The following CLIP1 variants were observed in gnomAD, a reference collection of about 807,000 sequenced individuals.
CLIP1 encodes CAP-Gly domain containing linker protein 1.
Under a neutral mutation model 161.6 loss-of-function variants are expected in CLIP1, and 66 were observed. The ratio of observed to expected loss-of-function variants is 0.41; its 90% CI spans 0.33 to 0.50. The LOEUF is 0.50. Among genes scored for constraint, CLIP1 ranks in the 20% least tolerant of loss-of-function variants. CLIP1 has a pLI of 0.27. For synonymous variants in CLIP1, 598 were observed against 626.2 expected (o/e 0.96, Z 0.67); for missense variants, 1,376 against 1,702.0 (o/e 0.81, Z 3.37).
chr12:122,398,867 A>C (rs928270656), intron 1 of CLIP1, among the ~76,000 whole-genome samples: 1 of 151,162 alleles, frequency 6.6e-6, no homozygotes, highest in African/African-American at 2.4e-5. Flanking sequence ...TAAAAAGTTT[A>C]AGAAAAAAAG....
chr12:122,415,305 C>T (rs1305817262), intron 1 of CLIP1, among the ~76,000 whole-genome samples: 4 of 149,544 alleles, frequency 2.7e-5, no homozygotes, highest in African/African-American at 9.9e-5. Flanking sequence ...CACAGTGAAA[C>T]CCCATCTCTA....
chr12:122,309,252 C>T (rs947456233), intron 20 of CLIP1, among the ~76,000 whole-genome samples: 2 of 152,180 alleles, frequency 1.3e-5, no homozygotes, highest in African/African-American at 2.4e-5. Flanking sequence ...CCAATGCACA[C>T]AAGTGTACAT....
At chr12:122,291,720 TAAGGAGGAA>T (rs1950258598) in intron 20 of CLIP1, among the ~76,000 whole-genome samples, 1 of 152,138 alleles carries the variant, frequency 6.6e-6, no homozygotes, top group African/African-American at 2.4e-5. Context: ...GTCACTTGGT[TAAGGAGGAA>T]GTATCTTCCA....
Position 122,340,076 on chromosome 12 carries a change from CT to C in CLIP1, c.2451+676del, listed in dbSNP as rs1169551600. ...GAAGAGGAGGAGATGATCTTTTAAG[CT>C]TTTTTTTTTTTTTTCCTTTAGACAG... On this transcript the variant is annotated intron_variant, in intron 11 of 25. Coordinates refer to ENST00000620786, the MANE Select transcript of CLIP1 (RefSeq NM_001247997.2). 7.2e-3 allele frequency among the ~76,000 whole-genome samples: 1,001 copies of C among 139,424 alleles called. 3 individuals are homozygous for C. Among genetic ancestry groups the C allele is most frequent in the African/African-American group, 0.013 (502 of 38,130 alleles). The allele number at this position is 139,424 out of a possible 152,430, so 91.5% of individuals were successfully genotyped here. A position where few individuals can be genotyped will look rare whatever the true frequency, so the allele number is the denominator to read the frequency against.
chr12:122,366,091 G>A (rs1049389191), intron 3 of CLIP1, among the ~76,000 whole-genome samples: 1 of 152,128 alleles, frequency 6.6e-6, no homozygotes, highest in African/African-American at 2.4e-5. Flanking sequence ...TGGATCACCT[G>A]AGGTTGGGAG....
chr12:122,350,391 T>C (rs949805884), intron 9 of CLIP1, among the ~76,000 whole-genome samples: 4 of 152,172 alleles, frequency 2.6e-5, no homozygotes, highest in Non-Finnish European at 5.9e-5. Context: ...CAAGGACTTG[T>C]ACTGGGTGTT....
At chr12:122,393,880 C>A (rs1033460159) in intron 1 of CLIP1, among the ~76,000 whole-genome samples, 1 of 119,116 alleles carries the variant, frequency 8.4e-6, no homozygotes, top group Non-Finnish European at 1.6e-5. Flanking sequence ...CCACTGCACT[C>A]CAGCCTGGGT....
At chr12:122,333,263 T>G (rs1952069964) in intron 14 of CLIP1, 120 bp from the exon 15 acceptor site, 1 of 726,754 alleles carries the variant, frequency 1.4e-6, no homozygotes, top group East Asian at 2.7e-5. Context: ...AAAAATCACA[T>G]TCTAGTGAAG....
At chr12:122,293,355 TAAAAAGAC>T (rs1241184990) in intron 20 of CLIP1, among the ~76,000 whole-genome samples, 8 of 152,096 alleles carry the variant, frequency 5.3e-5, no homozygotes, top group African/African-American at 1.9e-4. Context: ...GATTAATGTT[TAAAAAGAC>T]AAAACAAAAC....
chr12:122,332,516 G>A (rs764678921), intron 15 of CLIP1, among the ~76,000 whole-genome samples: 7 of 151,962 alleles, frequency 4.6e-5, no homozygotes, highest in Non-Finnish European at 8.8e-5. Context: ...CACCTCCTGG[G>A]TTTCAAGTGA....
intron 10 of CLIP1, 93 bp downstream of exon 10, chr12:122,347,282 G>T: frequency 1.1e-6 from 1 of 898,162 alleles, no homozygotes. Context: ...TGAACCACTG[G>T]GTCAAGGCTC....
At chr12:122,307,810 G>GTCTA (rs1483740886) in intron 20 of CLIP1, among the ~76,000 whole-genome samples, 1 of 152,162 alleles carries the variant, frequency 6.6e-6, no homozygotes, top group Non-Finnish European at 1.5e-5. Context: ...GGAAAGAATG[G>GTCTA]TCTATAATCT....
rs57326141 is a variant in CLIP1, at chr12:122,293,002, C to CAAAAAAAAAAAA, written c.3595-4473_3595-4462dup. On this transcript the variant is annotated intron_variant, in intron 20 of 25. Transcript: ENST00000620786. The stretch of plus-strand genomic sequence containing the variant: ...TGGGCAAAAGAGCAAGACTCTGTCT[C>CAAAAAAAAAAAA]AAAAAAAAAAAAAAAAAAAAGGCAA... 8.7e-4 allele frequency among the ~76,000 whole-genome samples: 38 copies of CAAAAAAAAAAAA among 43,566 alleles called. 1 individual carries two copies. The highest frequency in any genetic ancestry group is 4.1e-3 in the African/African-American group (36 of 8,818). 28.6% of individuals were successfully genotyped at this position (43,566 alleles called of 152,430 possible).
intron 1 of CLIP1, among the ~76,000 whole-genome samples, chr12:122,386,083 C>T (rs1269889554): frequency 6.6e-6 from 1 of 152,052 alleles, no homozygotes; most frequent in East Asian, 1.9e-4. Flanking sequence ...GTCAGGAGTT[C>T]GAGACCAGCC....
chr12:122,419,943 A>AT (rs1207158862), intron 1 of CLIP1, among the ~76,000 whole-genome samples: 2 of 151,450 alleles, frequency 1.3e-5, no homozygotes, highest in African/African-American at 4.8e-5. Flanking sequence ...AAAAAAAAAA[A>AT]AAAGCAAGAA....
At chr12:122,278,436 C>G (rs1035190133) in intron 23 of CLIP1, 2 of 569,908 alleles carry the variant, frequency 3.5e-6, no homozygotes, top group Non-Finnish European at 6.2e-6. Context: ...GGCCTGCTAA[C>G]TCCTGGGTTA....
intron 3 of CLIP1, among the ~76,000 whole-genome samples, chr12:122,372,093 C>T (rs1295015930): frequency 6.6e-6 from 1 of 151,850 alleles, no homozygotes; most frequent in Non-Finnish European, 1.5e-5. Flanking sequence ...ACCATACTGG[C>T]CAACATGGTG....
At chr12:122,392,198 G>A (rs1955687816) in intron 1 of CLIP1, among the ~76,000 whole-genome samples, 1 of 152,174 alleles carries the variant, frequency 6.6e-6, no homozygotes, top group African/African-American at 2.4e-5. Flanking sequence ...TTGAGCCCAT[G>A]AGGCCAAGAC....
chr12:122,316,215 C>T (rs1269274278), intron 19 of CLIP1, among the ~76,000 whole-genome samples: 1 of 141,948 alleles, frequency 7.0e-6, no homozygotes, highest in Non-Finnish European at 1.6e-5. Context: ...CGAGTCACTT[C>T]TTTTTTTTTT....
Sources: allele counts gnomAD v4.1 joint callset (sites outside exome capture counted in the v4.1 genomes callset), GRCh38; gene constraint gnomAD v4.1.1; transcripts MANE v1.5; gene names NCBI Gene and HGNC (gene_info 2026-07-23, HGNC 2026-07-21).